PFDN2: variants seen among roughly 807,000 people sequenced by gnomAD.
PFDN2 encodes the protein prefoldin subunit 2, also known as prefoldin 2.
In PFDN2, 7 loss-of-function variants were observed where a neutral mutation model predicts 18.3. The ratio of observed to expected loss-of-function variants is 0.38; its 90% CI spans 0.22 to 0.72. PFDN2 has a LOEUF of 0.72. Among genes scored for constraint, PFDN2 ranks in the 30% least tolerant of loss-of-function variants. PFDN2 has a pLI of 0.47. For missense variants in PFDN2, 181 were observed against 199.1 expected, an observed-to-expected ratio of 0.91 and a Z score of 0.55; for synonymous variants, 76 against 75.0, an observed-to-expected ratio of 1.01 and a Z score of -0.07.
intron 1 of PFDN2, among the ~76,000 whole-genome samples, chr1:161,104,433 T>C: frequency 6.6e-6 from 1 of 150,420 alleles, no homozygotes; most frequent in Admixed American, 6.6e-5. Flanking sequence ...ATCTCTTTTT[T>C]TCTTTTTCTT....
intron 1 of PFDN2, among the ~76,000 whole-genome samples, chr1:161,105,469 T>TC (rs1212287074): frequency 2.0e-5 from 3 of 152,064 alleles, no homozygotes; most frequent in Non-Finnish European, 2.9e-5. Context: ...TCTTTTCTTT[T>TC]TTTTTCTGAG....
At position 161,100,800 on chromosome 1, in the gene PFDN2, A is replaced by G. The variant is rs1233349371; in HGVS notation, c.348T>C (p.Asn116=). 2 of 1,613,940 alleles carry G rather than the reference A, an allele frequency of 1.2e-6. No individual in the cohort carries two copies. Among genetic ancestry groups the G allele is most frequent in the Non-Finnish European group, 1.7e-6 (2 of 1,179,890 alleles). The change falls in exon 4 of 4, where the codon AAT becomes AAC. Residue 116 remains asparagine, a synonymous_variant. Coordinates refer to ENST00000368010, the MANE Select transcript of PFDN2 (RefSeq NM_012394.4). ...QQLQAKGKEL[N]EFREKHNIRL... is the part of the protein sequence containing the mutation. ...GAATGTTGTGCTTTTCCCGGAATTC[A>G]TTTAGTTCTTTTCCCTTTGCCTGAA...
chr1:161,101,643 C>T (rs551611400), intron 3 of PFDN2, among the ~76,000 whole-genome samples: 18 of 152,226 alleles, frequency 1.2e-4, no homozygotes, highest in Non-Finnish European at 2.2e-4. Context: ...ATTACTCTAA[C>T]CCCAATCCTC....
rs532128226 is a variant in PFDN2, at chr1:161,116,649, T to C, written c.75+1303A>G. Among the ~76,000 whole-genome samples the C allele has an allele frequency of 2.3e-3, 348 of 152,248 alleles. 1 individual carries two copies. Among genetic ancestry groups the C allele is most frequent in the South Asian group, 4.2e-3 (20 of 4,814 alleles). On this transcript the variant is annotated intron_variant, in intron 1 of 3. Transcript: ENST00000368010. Reference sequence around the variant, plus strand: ...ATATGAGCATTTTGCTTCTCTTATTTACCCCACTAGACTATGCTCTTCGAG... The same window carrying C: ...ATATGAGCATTTTGCTTCTCTTATTCACCCCACTAGACTATGCTCTTCGAG...
At chr1:161,110,871 G>C (rs1292679076) in intron 1 of PFDN2, among the ~76,000 whole-genome samples, 2 of 124,534 alleles carry the variant, frequency 1.6e-5, no homozygotes, top group Non-Finnish European at 3.1e-5. Flanking sequence ...ATGGAGTCTC[G>C]CTCTGTCGCC....
intron 1 of PFDN2, among the ~76,000 whole-genome samples, chr1:161,115,698 G>A (rs576827887): frequency 6.6e-6 from 1 of 152,144 alleles, no homozygotes; most frequent in East Asian, 1.9e-4. Flanking sequence ...GAAAAAGAGA[G>A]ACCACATTCA....
chr1:161,109,828 T>C (rs1245575910), intron 1 of PFDN2, among the ~76,000 whole-genome samples: 3 of 152,042 alleles, frequency 2.0e-5, no homozygotes, highest in Non-Finnish European at 2.9e-5. Context: ...ACCCTGCAGA[T>C]CACTTGAGGC....
chr1:161,102,808 AT>A (rs1294260672), intron 1 of PFDN2, among the ~76,000 whole-genome samples: 1 of 152,124 alleles, frequency 6.6e-6, no homozygotes, highest in African/African-American at 2.4e-5. Context: ...AAATAGAAAA[AT>A]TAGTTGGGTA....
intron 1 of PFDN2, among the ~76,000 whole-genome samples, chr1:161,104,501 T>C (rs1000934890): frequency 6.6e-6 from 1 of 151,434 alleles, no homozygotes; most frequent in Non-Finnish European, 1.5e-5. Context: ...TGGAGTGCAG[T>C]GGCACAATCA....
chr1:161,107,432 A>G (rs1252928779), intron 1 of PFDN2, among the ~76,000 whole-genome samples: 1 of 151,458 alleles, frequency 6.6e-6, no homozygotes, highest in Non-Finnish European at 1.5e-5. Context: ...CTCAAAAAAA[A>G]AAAAAAAAAA....
intron 1 of PFDN2, among the ~76,000 whole-genome samples, chr1:161,103,441 G>C (rs1016863637): frequency 1.3e-5 from 2 of 150,996 alleles, no homozygotes; most frequent in Non-Finnish European, 1.5e-5. Flanking sequence ...TGTAATCGCA[G>C]CACTTTGGGA....
intron 1 of PFDN2, among the ~76,000 whole-genome samples, chr1:161,113,504 G>A (rs1008640701): frequency 1.3e-5 from 2 of 152,198 alleles, no homozygotes; most frequent in African/African-American, 4.8e-5. Context: ...AGGCCTGAGC[G>A]GTGGCTCAGC....
chr1:161,110,819 AT>A (rs1342029221), intron 1 of PFDN2, among the ~76,000 whole-genome samples: 1,713 of 133,682 alleles, frequency 0.013, 6 homozygotes, highest in African/African-American at 0.022. Context: ...TCTTCATGAA[AT>A]TTTTTTTTTT....
intron 3 of PFDN2, among the ~76,000 whole-genome samples, chr1:161,101,358 C>A (rs1045008058): frequency 6.6e-6 from 1 of 151,926 alleles, no homozygotes; most frequent in Non-Finnish European, 1.5e-5. Context: ...CACCACAACG[C>A]CCAGCCAATT....
intron 1 of PFDN2, among the ~76,000 whole-genome samples, chr1:161,117,447 G>A (rs531238113): frequency 6.6e-6 from 1 of 152,164 alleles, no homozygotes; most frequent in Non-Finnish European, 1.5e-5. Context: ...AAAGAAATTC[G>A]ATCTAGTAAT....
Position 161,100,609 on chromosome 1 carries a change from AAAT to A in PFDN2, c.*71_*73del, listed in dbSNP as rs938638978. Reference sequence around the variant, plus strand: ...CAAAAAAATATTACAATAGCAGAGAAAATAATAATAATAACAATAAAGAGAAAT... The same window carrying A: ...CAAAAAAATATTACAATAGCAGAGAAAATAATAATAACAATAAAGAGAAAT... On this transcript the variant is annotated 3_prime_UTR_variant, in exon 4 of 4. Transcript: ENST00000368010. The A allele has an allele frequency of 2.6e-5, 28 of 1,063,774 alleles. No homozygotes were observed. The highest frequency in any genetic ancestry group is 6.4e-5 in the African/African-American group (4 of 62,082). The allele number at this position is 1,063,774 out of a possible 1,614,324, so 65.9% of individuals were successfully genotyped here.
chr1:161,106,545 T>C (rs186999322), intron 1 of PFDN2, among the ~76,000 whole-genome samples: 1 of 152,348 alleles, frequency 6.6e-6, no homozygotes, highest in Admixed American at 6.5e-5. Flanking sequence ...CCTTATTCTC[T>C]GTCTGCTGTA....
At chr1:161,108,127 A>C (rs1201514286) in intron 1 of PFDN2, among the ~76,000 whole-genome samples, 1 of 146,796 alleles carries the variant, frequency 6.8e-6, no homozygotes, top group Non-Finnish European at 1.5e-5. Flanking sequence ...AAAAAAAAAC[A>C]AAAACAAAAA....
At position 161,107,092 on chromosome 1, in the gene PFDN2, G is replaced by T. The variant is rs180733518; in HGVS notation, c.76-4717C>A. Reference sequence around the variant, plus strand: ...CCCAAAGTGCTGGGATTACACGAATGAGCCACCAGGCCCATACCCTATTGA... The same window carrying T: ...CCCAAAGTGCTGGGATTACACGAATTAGCCACCAGGCCCATACCCTATTGA... On this transcript the variant is annotated intron_variant, in intron 1 of 3. Coordinates refer to ENST00000368010, the MANE Select transcript of PFDN2 (RefSeq NM_012394.4). Among the ~76,000 whole-genome samples the T allele has an allele frequency of 3.0e-4, 45 of 152,294 alleles. 1 individual carries two copies. The highest frequency in any genetic ancestry group is 3.4e-3 in the Middle Eastern group (1 of 294).
Sources: allele counts gnomAD v4.1 joint callset (sites outside exome capture counted in the v4.1 genomes callset), GRCh38; gene constraint gnomAD v4.1.1; transcripts MANE v1.5; gene names NCBI Gene and HGNC (gene_info 2026-07-23, HGNC 2026-07-21).